Variants in SEPTIN7 observed in about 807,000 individuals in gnomAD.
SEPTIN7 encodes septin 7.
A neutral mutation model predicts 63.3 loss-of-function variants in SEPTIN7; 10 were observed. That is an observed-to-expected ratio of 0.16 (90% CI 0.10 to 0.27). SEPTIN7 has a LOEUF of 0.27. Ranked by LOEUF, SEPTIN7 falls within the 10% of genes least tolerant of loss-of-function variation. The probability of loss-of-function intolerance (pLI) is 1.00; values close to 1 mark genes in which losing one functional copy is unlikely to be tolerated. For synonymous variants in SEPTIN7, 131 were observed against 165.3 expected (o/e 0.79, Z 1.59); for missense variants, 310 against 521.0 (o/e 0.59, Z 3.94).
At chr7:35,805,336 A>G (rs1170579454) in intron 1 of SEPTIN7, among the ~76,000 whole-genome samples, 6 of 152,246 alleles carry the variant, frequency 3.9e-5, no homozygotes, top group Admixed American at 6.5e-5. Flanking sequence ...CGTTGGACAT[A>G]CTGCATGACT....
At chr7:35,842,032 G>A (rs147785318) in intron 3 of SEPTIN7, among the ~76,000 whole-genome samples, 9 of 152,252 alleles carry the variant, frequency 5.9e-5, no homozygotes, top group East Asian at 3.9e-4. Context: ...AGCACCAAAG[G>A]AGGTCAGAAT....
chr7:35,895,548 ATATT>A (rs1193955925), intron 11 of SEPTIN7, among the ~76,000 whole-genome samples: 1 of 152,236 alleles, frequency 6.6e-6, no homozygotes, highest in Non-Finnish European at 1.5e-5. Context: ...ATTGCACAGC[ATATT>A]TATTTTTATA....
chr7:35,887,185 A>G (rs959086457), intron 10 of SEPTIN7, among the ~76,000 whole-genome samples: 1 of 152,244 alleles, frequency 6.6e-6, no homozygotes, highest in Admixed American at 6.5e-5. Context: ...TGTTTAATAA[A>G]TACTAATTTA....
rs752083471 is a variant in SEPTIN7 at position 35,904,460 on chromosome 7, C to T, written c.*167C>T. On this transcript the variant is annotated 3_prime_UTR_variant, in exon 14 of 14. Transcript: ENST00000350320. ...TTTGTTCTTGATGGAGATTAAGATG[C>T]CTTGAATTGTCTAGGGTGTTCTGTA... 2 of 502,984 alleles carry T rather than the reference C, an allele frequency of 4.0e-6. No individual in the cohort carries two copies. The highest frequency in any genetic ancestry group is 3.4e-6 in the Non-Finnish European group (1 of 290,380). The allele number at this position is 502,984 out of a possible 1,614,324, so 31.2% of individuals were successfully genotyped here. A position where few individuals can be genotyped will look rare whatever the true frequency, so the allele number is the denominator to read the frequency against.
intron 3 of SEPTIN7, among the ~76,000 whole-genome samples, chr7:35,852,112 G>A (rs574820051): frequency 6.6e-6 from 1 of 152,094 alleles, no homozygotes; most frequent in Non-Finnish European, 1.5e-5. Flanking sequence ...ACATTTCATT[G>A]CAACTACCTA....
At chr7:35,814,229 C>G (rs1383939959) in intron 1 of SEPTIN7, among the ~76,000 whole-genome samples, 2 of 152,118 alleles carry the variant, frequency 1.3e-5, no homozygotes, top group Non-Finnish European at 2.9e-5. Flanking sequence ...TAACATTTTA[C>G]ATTTTCACCC....
intron 3 of SEPTIN7, among the ~76,000 whole-genome samples, chr7:35,853,820 CAG>C (rs1785072101): frequency 1.3e-5 from 2 of 152,134 alleles, no homozygotes; most frequent in South Asian, 4.1e-4. Context: ...AATTTTGGCA[CAG>C]AGTCTTTAAT....
chr7:35,846,435 T>C (rs1784670354), intron 3 of SEPTIN7, among the ~76,000 whole-genome samples: 1 of 152,202 alleles, frequency 6.6e-6, no homozygotes, highest in Non-Finnish European at 1.5e-5. Context: ...TACCAACTAA[T>C]ACAGTTTCTA....
intron 1 of SEPTIN7, 134 bp from the exon 2 acceptor site, chr7:35,831,357 TC>T: frequency 4.2e-6 from 1 of 237,758 alleles, no homozygotes; most frequent in Non-Finnish European, 8.4e-6. Flanking sequence ...TTGCTGTGTT[TC>T]AATGGATTTG....
chr7:35,819,645 C>G (rs537202067), intron 1 of SEPTIN7, among the ~76,000 whole-genome samples: 1 of 152,206 alleles, frequency 6.6e-6, no homozygotes, highest in East Asian at 1.9e-4. Flanking sequence ...TAAAATTGTT[C>G]TATCTTCTCA....
chr7:35,898,021 G>A (rs1329873377), intron 11 of SEPTIN7, among the ~76,000 whole-genome samples: 1 of 151,926 alleles, frequency 6.6e-6, no homozygotes, highest in Non-Finnish European at 1.5e-5. Flanking sequence ...TATTTGGTAT[G>A]TCATCCTTAG....
chr7:35,915,408 A>G, the SEPTIN7 span, among the ~76,000 whole-genome samples: 1 of 152,190 alleles, frequency 6.6e-6, no homozygotes, highest in Non-Finnish European at 1.5e-5. Context: ...AACAAAGAAA[A>G]CTTACGCAAG....
chr7:35,804,605 C>T (rs957668487), intron 1 of SEPTIN7, among the ~76,000 whole-genome samples: 2 of 152,162 alleles, frequency 1.3e-5, no homozygotes, highest in Non-Finnish European at 2.9e-5. Context: ...TCAATAGATA[C>T]ACCAGTCAGA....
chr7:35,901,177 T>C (rs1339389471), intron 12 of SEPTIN7: 77 of 152,348 alleles, frequency 5.1e-4, no homozygotes, highest in Non-Finnish European at 1.0e-4. Context: ...TATTGTGTTG[T>C]CTAGTGCACA....
At chr7:35,808,610 C>T (rs1277837405) in intron 1 of SEPTIN7, among the ~76,000 whole-genome samples, 2 of 152,162 alleles carry the variant, frequency 1.3e-5, no homozygotes, top group African/African-American at 4.8e-5. Context: ...TCCAAGATGG[C>T]ACCTTAAATG....
At chr7:35,903,337 AAC>A (rs1198195703) in intron 13 of SEPTIN7, 122 bp downstream of exon 13, 7 of 1,384,834 alleles carry the variant, frequency 5.1e-6, no homozygotes, top group Non-Finnish European at 6.6e-6. Context: ...ATGCATTCCA[AAC>A]ACAATGGTTT....
chr7:35,910,400 A>G (rs1388950785), downstream of SEPTIN7, among the ~76,000 whole-genome samples: 3 of 152,210 alleles, frequency 2.0e-5, no homozygotes, highest in African/African-American at 7.2e-5. Flanking sequence ...GAAATTAGCT[A>G]ATTGGATTCT....
Position 35,906,327 on chromosome 7 carries a change from A to G in SEPTIN7, c.*2034A>G, listed in dbSNP as rs1788606613. On this transcript the variant is annotated 3_prime_UTR_variant, in exon 14 of 14. Transcript: ENST00000350320. ...TACCTGAATCTGATACAGGATCTAT[A>G]TAACTTTACTAGGACTTTTGATTGT... is the stretch of plus-strand genomic sequence containing the variant. The G allele has an allele frequency of 6.6e-6, 1 of 152,210 alleles. No homozygotes were observed. Among genetic ancestry groups the G allele is most frequent in the African/African-American group, 2.4e-5 (1 of 41,454 alleles). The allele number at this position is 152,210 out of a possible 1,614,324, so 9.4% of individuals were successfully genotyped here.
At chr7:35,892,389 A>G (rs1193893521) in intron 11 of SEPTIN7, among the ~76,000 whole-genome samples, 1 of 152,146 alleles carries the variant, frequency 6.6e-6, no homozygotes. Flanking sequence ...AAATGTAAGG[A>G]CCCATCATAG....
Sources: gnomAD v4.1 joint callset for allele counts (sites outside exome capture counted in the v4.1 genomes callset) on GRCh38, gnomAD v4.1.1 for gene constraint, MANE v1.5 for transcripts, NCBI Gene and HGNC (gene_info 2026-07-23, HGNC 2026-07-21) for gene names.